Variants in SCFD2 observed in about 807,000 individuals in gnomAD.
SCFD2 encodes sec1 family domain-containing protein 2.
SCFD2 carries 54 observed loss-of-function variants against 58.9 expected under a neutral mutation model. That is an observed-to-expected ratio of 0.92 (90% CI 0.74 to 1.15). SCFD2 has a LOEUF of 1.15. Ranked by LOEUF, SCFD2 falls within the 50% of genes most tolerant of loss-of-function variation. SCFD2 has a pLI of 0.00. For missense variants in SCFD2, 805 were observed against 836.6 expected (o/e 0.96, Z 0.47); for synonymous variants, 321 against 335.9 (o/e 0.96, Z 0.49).
intron 6 of SCFD2, among the ~76,000 whole-genome samples, chr4:52,911,704 C>A (rs1268928104): frequency 6.6e-6 from 1 of 152,188 alleles, no homozygotes; most frequent in Admixed American, 6.5e-5. Context: ...CTCTGATTAT[C>A]TTTTCATATA....
At chr4:53,050,708 A>G (rs1166797710) in intron 5 of SCFD2, among the ~76,000 whole-genome samples, 1 of 152,218 alleles carries the variant, frequency 6.6e-6, no homozygotes, top group Non-Finnish European at 1.5e-5. Flanking sequence ...CATAGGCTGA[A>G]AACCCTTTCA....
At chr4:53,282,358 C>T (rs1411753705) in intron 3 of SCFD2, among the ~76,000 whole-genome samples, 1 of 152,072 alleles carries the variant, frequency 6.6e-6, no homozygotes, top group Non-Finnish European at 1.5e-5. Context: ...TATATTCTCT[C>T]TCCTTTGTTC....
chr4:53,192,507 A>G (rs955450384), intron 4 of SCFD2, among the ~76,000 whole-genome samples: 7 of 152,210 alleles, frequency 4.6e-5, no homozygotes, highest in African/African-American at 1.7e-4. Context: ...ACTTTTCTGT[A>G]AACATAAACT....
At chr4:53,230,656 G>T in intron 4 of SCFD2, among the ~76,000 whole-genome samples, 1 of 151,432 alleles carries the variant, frequency 6.6e-6, no homozygotes, top group East Asian at 1.9e-4. Context: ...AGCATCAGGA[G>T]CTATACCTAA....
At chr4:52,925,796 T>G (rs1719849257) in intron 5 of SCFD2, among the ~76,000 whole-genome samples, 1 of 152,176 alleles carries the variant, frequency 6.6e-6, no homozygotes, top group African/African-American at 2.4e-5. Context: ...GTTGCCCACT[T>G]CTTGATAGGG....
At chr4:53,330,515 A>G (rs1733411141) in intron 2 of SCFD2, among the ~76,000 whole-genome samples, 1 of 152,240 alleles carries the variant, frequency 6.6e-6, no homozygotes, top group African/African-American at 2.4e-5. Context: ...AGTGAAGGAC[A>G]AATAAAATAC....
chr4:53,215,321 T>C (rs1291958301), intron 4 of SCFD2, among the ~76,000 whole-genome samples: 1 of 152,274 alleles, frequency 6.6e-6, no homozygotes, highest in East Asian at 1.9e-4. Context: ...TATCCTCTTT[T>C]ATTTCATTGA....
At chr4:53,307,775 T>C (rs1437543238) in intron 3 of SCFD2, among the ~76,000 whole-genome samples, 2 of 152,268 alleles carry the variant, frequency 1.3e-5, no homozygotes, top group African/African-American at 4.8e-5. Flanking sequence ...GCCCTGAAGC[T>C]AGTTTTCCAG....
intron 2 of SCFD2, among the ~76,000 whole-genome samples, chr4:53,339,597 T>G (rs1577983775): frequency 6.6e-6 from 1 of 151,926 alleles, no homozygotes; most frequent in East Asian, 1.9e-4. Context: ...TGGTGAAACC[T>G]GTCCCTACTA....
chr4:53,331,060 T>C (rs1384601889), intron 2 of SCFD2, among the ~76,000 whole-genome samples: 1 of 151,550 alleles, frequency 6.6e-6, no homozygotes, highest in Non-Finnish European at 1.5e-5. Context: ...CCTAAATATA[T>C]ATGCACCCAA....
chr4:53,197,827 CA>C (rs1728106837), intron 4 of SCFD2, among the ~76,000 whole-genome samples: 2 of 149,762 alleles, frequency 1.3e-5, no homozygotes, highest in Non-Finnish European at 3.0e-5. Context: ...AAACACAAGT[CA>C]ATGTAACCTA....
chr4:52,908,271 C>A (rs1327556986), intron 6 of SCFD2, among the ~76,000 whole-genome samples: 1 of 152,194 alleles, frequency 6.6e-6, no homozygotes, highest in Non-Finnish European at 1.5e-5. Context: ...CTGAATAACC[C>A]GTCCATGTTT....
intron 3 of SCFD2, among the ~76,000 whole-genome samples, chr4:53,301,166 T>C (rs1428721597): frequency 6.6e-6 from 1 of 151,986 alleles, no homozygotes; most frequent in East Asian, 1.9e-4. Context: ...CAGGAGCTGG[T>C]TTTTTGAAAA....
intron 3 of SCFD2, among the ~76,000 whole-genome samples, chr4:53,276,103 T>A (rs1409333692): frequency 6.6e-6 from 1 of 152,080 alleles, no homozygotes; most frequent in Non-Finnish European, 1.5e-5. Flanking sequence ...AGGACAGATG[T>A]TAAGTATATG....
chr4:53,270,548 A>C (rs568096585), intron 4 of SCFD2, among the ~76,000 whole-genome samples: 1 of 152,330 alleles, frequency 6.6e-6, no homozygotes, highest in Non-Finnish European at 1.5e-5. Context: ...GTGGAAATGA[A>C]GAAACAAAAC....
chr4:53,143,386 A>G (rs1446682436), intron 5 of SCFD2, among the ~76,000 whole-genome samples: 3 of 152,228 alleles, frequency 2.0e-5, no homozygotes, highest in Non-Finnish European at 2.9e-5. Context: ...CACTGTATAA[A>G]TCATATTAAA....
chr4:52,974,683 T>C (rs1198137307), intron 5 of SCFD2, among the ~76,000 whole-genome samples: 1 of 152,010 alleles, frequency 6.6e-6, no homozygotes, highest in African/African-American at 2.4e-5. Context: ...AAAGTTCATA[T>C]GGAACCAAAA....
chr4:52,885,761 T>C lies in SCFD2; in HGVS notation c.1948A>G (p.Lys650Glu). The change falls in exon 8 of 9, where the codon AAG (lysine) becomes GAG (glutamate). Residue 650 changes from lysine (K) to glutamate (E), a missense_variant. By Grantham distance (56) the Lys-to-Glu change is moderately conservative. Around this residue, in one of 3 missense-constraint regions of SCFD2, gnomAD observed 633 missense variants for 646.8 expected, o/e 0.98. Transcript: ENST00000401642. Reference protein sequence around the residue: ...KMVKDLVASLKPGTQVIVLST... With the variant: ...KMVKDLVASLEPGTQVIVLST... ...GGACTCAGTACCTGGGTTCCTGGCTTCAACGATGCCACAAGATCTTTGACC... is the reference window on the plus strand; with the variant it reads ...GGACTCAGTACCTGGGTTCCTGGCTCCAACGATGCCACAAGATCTTTGACC... 1 of 1,614,010 alleles carries C rather than the reference T, an allele frequency of 6.2e-7. No homozygotes were observed. The highest frequency in any genetic ancestry group is 8.5e-7 in the Non-Finnish European group (1 of 1,179,914).
At chr4:52,891,133 A>G (rs1718869630) in intron 7 of SCFD2, among the ~76,000 whole-genome samples, 1 of 152,106 alleles carries the variant, frequency 6.6e-6, no homozygotes, top group African/African-American at 2.4e-5. Context: ...TCCCACCAAG[A>G]ATTAGTAACA....
Sources: allele counts gnomAD v4.1 joint callset (sites outside exome capture counted in the v4.1 genomes callset), GRCh38; gene constraint gnomAD v4.1.1; regional missense constraint gnomAD v4.1.1; transcripts MANE v1.5; gene names NCBI Gene and HGNC (gene_info 2026-07-23, HGNC 2026-07-21).